DTNB: variants seen among roughly 807,000 people sequenced by gnomAD.
DTNB encodes the protein DTN-B.
A neutral mutation model predicts 90.7 loss-of-function variants in DTNB; 63 were observed. The observed-to-expected ratio is 0.69, with a 90% CI of 0.57 to 0.86. The LOEUF (loss-of-function observed/expected upper bound fraction) is 0.86. DTNB is among the 40% of genes least tolerant of loss of function. DTNB has a pLI of 0.00. For missense variants in DTNB, 744 were observed against 807.1 expected, an observed-to-expected ratio of 0.92 and a Z score of 0.95; for synonymous variants, 277 against 286.7, an observed-to-expected ratio of 0.97 and a Z score of 0.34.
At chr2:25,483,012 C>T in intron 9 of DTNB, 139 bp from the exon 10 acceptor site, 1 of 851,452 alleles carries the variant, frequency 1.2e-6, no homozygotes, top group Non-Finnish European at 1.6e-6. Flanking sequence ...AGGGGGGGGA[C>T]CCATGGGGAA....
At chr2:25,390,869 C>T (rs1387483619) in intron 16 of DTNB, among the ~76,000 whole-genome samples, 1 of 149,234 alleles carries the variant, frequency 6.7e-6, no homozygotes, top group African/African-American at 2.5e-5. Flanking sequence ...AGGGGGAAGG[C>T]TTTATAATCT....
chr2:25,594,058 C>A (rs2064088777), intron 6 of DTNB, among the ~76,000 whole-genome samples: 1 of 152,170 alleles, frequency 6.6e-6, no homozygotes, highest in African/African-American at 2.4e-5. Flanking sequence ...GCAGCAGGAG[C>A]AGCAGTGAGA....
chr2:25,625,035 C>T (rs956404608), intron 4 of DTNB, among the ~76,000 whole-genome samples: 1 of 152,096 alleles, frequency 6.6e-6, no homozygotes. Flanking sequence ...GTCTTAGATC[C>T]TATTTGTTCC....
chr2:25,547,697 T>C (rs981532362), intron 8 of DTNB, among the ~76,000 whole-genome samples: 3 of 152,224 alleles, frequency 2.0e-5, no homozygotes, highest in Non-Finnish European at 4.4e-5. Flanking sequence ...GTTGGATACA[T>C]TCCAATTTTG....
intron 8 of DTNB, among the ~76,000 whole-genome samples, chr2:25,534,338 C>T (rs966968434): frequency 6.6e-6 from 1 of 152,246 alleles, no homozygotes; most frequent in Non-Finnish European, 1.5e-5. Flanking sequence ...TATAGATTAA[C>T]GCATCCCAAG....
chr2:25,399,528 G>A (rs1369226497), intron 16 of DTNB: 1 of 151,956 alleles, frequency 6.6e-6, no homozygotes, highest in Non-Finnish European at 1.5e-5. Flanking sequence ...ATTTTTAGTA[G>A]AGATGGAGTT....
intron 10 of DTNB, among the ~76,000 whole-genome samples, chr2:25,471,121 G>GA (rs1409812820): frequency 6.6e-6 from 1 of 152,134 alleles, no homozygotes; most frequent in Non-Finnish European, 1.5e-5. Flanking sequence ...AAGCTAATGA[G>GA]AAAAAATAGT....
intron 8 of DTNB, among the ~76,000 whole-genome samples, chr2:25,538,021 C>T (rs540572487): frequency 3.3e-5 from 5 of 152,076 alleles, no homozygotes; most frequent in East Asian, 3.8e-4. Context: ...TTTTAAATAC[C>T]GTAATCCCCT....
intron 11 of DTNB, among the ~76,000 whole-genome samples, chr2:25,452,628 T>C (rs1261164382): frequency 2.0e-5 from 3 of 152,158 alleles, no homozygotes; most frequent in African/African-American, 7.2e-5. Context: ...ATGACTTCAA[T>C]ACTCATCGAA....
chr2:25,444,016 T>C (rs1055493095), intron 12 of DTNB, among the ~76,000 whole-genome samples: 3 of 152,184 alleles, frequency 2.0e-5, no homozygotes, highest in African/African-American at 7.2e-5. Flanking sequence ...CTCAGAAATA[T>C]TTTAAGTGTG....
chr2:25,443,487 T>C (rs181962309), intron 12 of DTNB, among the ~76,000 whole-genome samples: 1 of 152,348 alleles, frequency 6.6e-6, no homozygotes, highest in Non-Finnish European at 1.5e-5. Flanking sequence ...TCCAGTAGCA[T>C]GCATTTCTGG....
Position 25,419,500 on chromosome 2 carries a change from C to T in DTNB, c.1575+15G>A. On this transcript the variant is annotated intron_variant, in intron 16 of 20. Coordinates refer to ENST00000406818, the MANE Select transcript of DTNB (RefSeq NM_021907.5). Reference sequence around the variant, plus strand: ...AGGAGCGAGAGTCCGGCGGGAAATTCCGAAGTTCACTTACTGCCTGCTTTT... The same window carrying T: ...AGGAGCGAGAGTCCGGCGGGAAATTTCGAAGTTCACTTACTGCCTGCTTTT... 6.4e-7 allele frequency: 1 copy of T among 1,558,596 alleles called. No individual in the cohort carries two copies. Among genetic ancestry groups the T allele is most frequent in the Non-Finnish European group, 8.7e-7 (1 of 1,150,866 alleles).
intron 12 of DTNB, among the ~76,000 whole-genome samples, chr2:25,436,223 T>C (rs2149999584): frequency 6.6e-6 from 1 of 151,974 alleles, no homozygotes; most frequent in African/African-American, 2.4e-5. Context: ...TAATCTCAGC[T>C]ACTTGGGAGG....
In DTNB at chr2:25,387,182, G is replaced by T; in HGVS notation, c.1825+107C>A. ...AGGCAAAGTTAGGTGATGAAATGGG[G>T]TGGTGCAAGCTGGGTGGTGAGGTTC... On this transcript the variant is annotated intron_variant, in intron 18 of 20. Transcript: ENST00000406818. The surrounding 1 kb of genome is among the most constrained non-coding windows in gnomAD (Gnocchi z 4.5). 2.0e-6 allele frequency: 2 copies of T among 987,480 alleles called. No individual in the cohort carries two copies. Among genetic ancestry groups the T allele is most frequent in the Non-Finnish European group, 3.0e-6 (2 of 661,324 alleles). The allele number at this position is 987,480 out of a possible 1,614,324, so 61.2% of individuals were successfully genotyped here.
intron 9 of DTNB, 131 bp from the exon 10 acceptor site, chr2:25,483,004 G>C (rs971342453): frequency 8.7e-5 from 81 of 929,336 alleles, no homozygotes; most frequent in Admixed American, 7.4e-4. Flanking sequence ...CCATGGGGAG[G>C]GGGGGGACCC....
At chr2:25,621,808 AT>A (rs1464011669) in intron 4 of DTNB, among the ~76,000 whole-genome samples, 2 of 151,510 alleles carry the variant, frequency 1.3e-5, no homozygotes, top group African/African-American at 4.8e-5. Flanking sequence ...CTACACAGGA[AT>A]TTTTTCATAT....
chr2:25,466,283 C>A (rs1449109550), intron 10 of DTNB, among the ~76,000 whole-genome samples: 1 of 152,110 alleles, frequency 6.6e-6, no homozygotes, highest in African/African-American at 2.4e-5. Context: ...TGCAGTGAGG[C>A]GAGATTGTGC....
chr2:25,432,739 CA>C, intron 14 of DTNB, 146 bp downstream of exon 14: 2 of 795,278 alleles, frequency 2.5e-6, no homozygotes, highest in Non-Finnish European at 2.0e-6. Flanking sequence ...TCTGAAGCAG[CA>C]ACAGAATGGG....
chr2:25,517,804 A>G (rs1227167531), intron 9 of DTNB, among the ~76,000 whole-genome samples: 1 of 152,212 alleles, frequency 6.6e-6, no homozygotes, highest in African/African-American at 2.4e-5. Context: ...TAGGTACCAC[A>G]TCTTACCAAC....
Sources: gnomAD v4.1 joint callset for allele counts (sites outside exome capture counted in the v4.1 genomes callset) on GRCh38, gnomAD v4.1.1 for gene constraint, Gnocchi (gnomAD v3.1) non-coding constraint, MANE v1.5 for transcripts, NCBI Gene and HGNC (gene_info 2026-07-23, HGNC 2026-07-21) for gene names.